TMPRSS15: variants seen among roughly 807,000 people sequenced by gnomAD.
TMPRSS15 encodes the protein enteropeptidase.
TMPRSS15 carries 128 observed loss-of-function variants against 125.3 expected under a neutral mutation model. The ratio of observed to expected loss-of-function variants is 1.02; its 90% CI spans 0.89 to 1.18. The LOEUF (loss-of-function observed/expected upper bound fraction) is 1.18. TMPRSS15 is among the 50% of genes most tolerant of loss of function. The probability of loss-of-function intolerance (pLI) is 0.00; values close to 1 mark genes in which losing one functional copy is unlikely to be tolerated. For missense variants in TMPRSS15, 1,283 were observed against 1,212.7 expected (o/e 1.06, Z -0.86); for synonymous variants, 446 against 423.2 (o/e 1.05, Z -0.66).
intron 3 of TMPRSS15, among the ~76,000 whole-genome samples, chr21:18,389,209 GAAAA>G (rs201303423): frequency 6.7e-6 from 1 of 148,220 alleles, no homozygotes; most frequent in Non-Finnish European, 1.5e-5. Flanking sequence ...AGAAAGAAAA[GAAAA>G]AAAGAAAGGA....
chr21:18,282,708 T>C (rs1411106653), intron 21 of TMPRSS15, among the ~76,000 whole-genome samples: 5 of 152,206 alleles, frequency 3.3e-5, no homozygotes, highest in Non-Finnish European at 7.3e-5. Flanking sequence ...CCGAGAACTT[T>C]TGTATCTCTT....
Position 18,305,380 on chromosome 21 carries a change from G to C in TMPRSS15, c.2166-7551C>G, listed in dbSNP as rs1308917826. 2.6e-5 allele frequency among the ~76,000 whole-genome samples: 4 copies of C among 152,070 alleles called. No individual in the cohort carries two copies. The East Asian group carries it at 7.8e-4, about 30-fold the overall frequency. On this transcript the variant is annotated intron_variant, in intron 18 of 24. Coordinates refer to ENST00000284885, the MANE Select transcript of TMPRSS15 (RefSeq NM_002772.3). ...ATTTTTTGTATTTTTAGTAGAGACG[G>C]GGTTTCACCGGGTTAGCCAGGATGG...
intron 18 of TMPRSS15, among the ~76,000 whole-genome samples, chr21:18,305,153 A>C (rs554984834): frequency 1.4e-5 from 2 of 143,498 alleles, no homozygotes; most frequent in East Asian, 2.1e-4. Flanking sequence ...AATAGGCCAG[A>C]GGTAGGATTC....
intron 17 of TMPRSS15, 77 bp downstream of exon 17, chr21:18,315,069 T>C: frequency 2.6e-6 from 3 of 1,152,146 alleles, no homozygotes; most frequent in South Asian, 1.2e-5. Flanking sequence ...GACACAGTTA[T>C]AATCTTTCTT....
intron 1 of TMPRSS15, among the ~76,000 whole-genome samples, chr21:18,412,953 T>A (rs1415800970): frequency 6.6e-6 from 1 of 152,176 alleles, no homozygotes; most frequent in Non-Finnish European, 1.5e-5. Context: ...AAAAATAAGA[T>A]AAATTTTAAA....
intron 18 of TMPRSS15, among the ~76,000 whole-genome samples, chr21:18,311,731 G>C (rs1480426084): frequency 6.6e-6 from 1 of 152,118 alleles, no homozygotes; most frequent in African/African-American, 2.4e-5. Flanking sequence ...CACTTCCACT[G>C]CTGGGCATAT....
chr21:18,481,363 T>C (rs2824848), intron 1 of TMPRSS15, among the ~76,000 whole-genome samples: 88,783 of 151,490 alleles, frequency 0.59, 27,079 homozygotes, highest in East Asian at 0.92. Context: ...ATTATTATTA[T>C]TCAGTAGGTT....
At chr21:18,470,179 A>G (rs1978748241) in intron 1 of TMPRSS15, among the ~76,000 whole-genome samples, 2 of 152,022 alleles carry the variant, frequency 1.3e-5, no homozygotes. Flanking sequence ...AGGTGTTACT[A>G]AGGCCTTGAC....
intron 21 of TMPRSS15, among the ~76,000 whole-genome samples, chr21:18,286,026 G>C (rs1474241390): frequency 6.6e-6 from 1 of 152,190 alleles, no homozygotes; most frequent in African/African-American, 2.4e-5. Flanking sequence ...AGTAAGTACA[G>C]CAAACCAGAA....
At chr21:18,366,352 A>G (rs1000566731) in intron 6 of TMPRSS15, among the ~76,000 whole-genome samples, 1 of 152,158 alleles carries the variant, frequency 6.6e-6, no homozygotes, top group Non-Finnish European at 1.5e-5. Flanking sequence ...GGAGATAACT[A>G]GTTCAATGTT....
At chr21:18,302,294 G>T (rs1655007838) in intron 18 of TMPRSS15, among the ~76,000 whole-genome samples, 1 of 152,182 alleles carries the variant, frequency 6.6e-6, no homozygotes, top group Non-Finnish European at 1.5e-5. Context: ...GAAAGAAGGG[G>T]ATTGATTTAG....
chr21:18,428,445 A>T (rs562619937), intron 1 of TMPRSS15, among the ~76,000 whole-genome samples: 15 of 152,318 alleles, frequency 9.8e-5, no homozygotes, highest in South Asian at 6.2e-4. Flanking sequence ...TCTCCAGGGC[A>T]TGTCAGAGGT....
At chr21:18,385,537 C>T (rs530478845) in intron 3 of TMPRSS15, among the ~76,000 whole-genome samples, 2 of 152,268 alleles carry the variant, frequency 1.3e-5, no homozygotes, top group African/African-American at 4.8e-5. Flanking sequence ...CAGTAGATTA[C>T]CACCCTTCGT....
chr21:18,407,571 T>C (rs191910823), upstream of TMPRSS15, among the ~76,000 whole-genome samples: 479 of 151,680 alleles, frequency 3.2e-3, no homozygotes, highest in African/African-American at 0.011. Flanking sequence ...CTCAGCCTCC[T>C]GAGTATATGG....
At chr21:18,299,044 T>C (rs950056241) in intron 18 of TMPRSS15, among the ~76,000 whole-genome samples, 1 of 152,218 alleles carries the variant, frequency 6.6e-6, no homozygotes, top group Admixed American at 6.5e-5. Flanking sequence ...GCACTTTTAT[T>C]TTGTAAACAG....
At chr21:18,425,996 C>A (rs1258911230) in intron 1 of TMPRSS15, among the ~76,000 whole-genome samples, 1 of 152,096 alleles carries the variant, frequency 6.6e-6, no homozygotes, top group Non-Finnish European at 1.5e-5. Context: ...AATAAAATAT[C>A]TTTTTATTCA....
At chr21:18,312,437 G>A (rs1028581987) in intron 18 of TMPRSS15, among the ~76,000 whole-genome samples, 1 of 150,738 alleles carries the variant, frequency 6.6e-6, no homozygotes, top group South Asian at 2.1e-4. Context: ...TAGAAATACT[G>A]TAGCGGGAGA....
chr21:18,414,588 T>C (rs1182663732), intron 1 of TMPRSS15, among the ~76,000 whole-genome samples: 5 of 152,244 alleles, frequency 3.3e-5, no homozygotes, highest in African/African-American at 1.2e-4. Flanking sequence ...ATACCTCATA[T>C]AATTAGAATC....
chr21:18,286,726 G>T (rs949990221), intron 21 of TMPRSS15, among the ~76,000 whole-genome samples: 2 of 152,162 alleles, frequency 1.3e-5, no homozygotes, highest in African/African-American at 2.4e-5. Context: ...AGCCTGATTG[G>T]ATAAGGTCAC....
Sources: allele counts gnomAD v4.1 joint callset (sites outside exome capture counted in the v4.1 genomes callset), GRCh38; gene constraint gnomAD v4.1.1; transcripts MANE v1.5; gene names NCBI Gene and HGNC (gene_info 2026-07-23, HGNC 2026-07-21).